The following SH3KBP1 variants were observed in gnomAD, a reference collection of about 807,000 sequenced individuals.
SH3KBP1 encodes SH3 domain containing kinase binding protein 1.
Under a neutral mutation model 50.1 loss-of-function variants are expected in SH3KBP1, and 8 were observed. The observed-to-expected ratio is 0.16, with a 90% CI of 0.09 to 0.29. The LOEUF is 0.29. Among genes scored for constraint, SH3KBP1 ranks in the 10% least tolerant of loss-of-function variants. The pLI is 1.00. For synonymous variants in SH3KBP1, 227 were observed against 218.6 expected, an observed-to-expected ratio of 1.04 and a Z score of -0.34; for missense variants, 377 against 535.2, an observed-to-expected ratio of 0.70 and a Z score of 2.92.
intron 4 of SH3KBP1, among the ~76,000 whole-genome samples, chrX:19,699,224 A>G (rs979090374): frequency 2.7e-5 from 3 of 112,496 alleles, no homozygotes; most frequent in Admixed American, 9.4e-5. Context: ...GAGCCTGAAC[A>G]GCCCCTGCTT....
At chrX:19,547,805 C>A (rs1482958210) in intron 14 of SH3KBP1, among the ~76,000 whole-genome samples, 2 of 112,075 alleles carry the variant, frequency 1.8e-5, no homozygotes, top group African/African-American at 6.5e-5. Flanking sequence ...CCCCCAGTGG[C>A]CTTTGAGGAA....
chrX:19,645,061 C>T (rs747063274), intron 7 of SH3KBP1, among the ~76,000 whole-genome samples: 25 of 111,885 alleles, frequency 2.2e-4, no homozygotes, highest in Non-Finnish European at 3.6e-4. Flanking sequence ...ATCCCTAAAG[C>T]GCTTAATTTG....
chrX:19,753,184 C>G (rs777369413), intron 2 of SH3KBP1, among the ~76,000 whole-genome samples: 1 of 111,627 alleles, frequency 9.0e-6, no homozygotes, highest in Non-Finnish European at 1.9e-5. Flanking sequence ...TTGGGCAGAG[C>G]CCCCTTGGCT....
chrX:19,564,004 C>T (rs939401061), intron 13 of SH3KBP1, among the ~76,000 whole-genome samples: 6 of 111,246 alleles, frequency 5.4e-5, no homozygotes, highest in African/African-American at 2.0e-4. Flanking sequence ...TAATGGCAGG[C>T]AGGACACAGT....
At chrX:19,682,230 T>A (rs772808955) in intron 6 of SH3KBP1, among the ~76,000 whole-genome samples, 10 of 110,510 alleles carry the variant, frequency 9.0e-5, no homozygotes, top group Non-Finnish European at 1.3e-4. Flanking sequence ...TGTGCTGAGA[T>A]AAAAACTTTC....
chrX:19,599,080 G>T (rs934279523), intron 9 of SH3KBP1, among the ~76,000 whole-genome samples: 1 of 111,203 alleles, frequency 9.0e-6, no homozygotes, highest in Non-Finnish European at 1.9e-5. Context: ...CCAACACCCC[G>T]TGGCCTTATT....
At chrX:19,680,744 G>T (rs1029416128) in intron 6 of SH3KBP1, among the ~76,000 whole-genome samples, 1 of 112,064 alleles carries the variant, frequency 8.9e-6, no homozygotes, top group African/African-American at 3.2e-5. Context: ...ACAATAACAT[G>T]ATAGATCCAT....
intron 8 of SH3KBP1, among the ~76,000 whole-genome samples, chrX:19,608,435 G>A (rs2067309024): frequency 9.4e-6 from 1 of 106,592 alleles, no homozygotes; most frequent in Admixed American, 1.0e-4. Context: ...CAGCCTCCCA[G>A]CAGCTGGGAT....
At chrX:19,645,577 A>T (rs1361603736) in intron 6 of SH3KBP1, 102 bp from the exon 7 acceptor site, 3 of 636,425 alleles carry the variant, frequency 4.7e-6, no homozygotes, top group Non-Finnish European at 2.6e-6. Flanking sequence ...AAATTGGTTT[A>T]AAAAGCCACA....
intron 2 of SH3KBP1, among the ~76,000 whole-genome samples, chrX:19,815,105 G>A (rs1292745946): frequency 8.9e-6 from 1 of 111,797 alleles, no homozygotes; most frequent in Non-Finnish European, 1.9e-5. Context: ...ATGGGAAAGT[G>A]GTATGGTCCT....
intron 6 of SH3KBP1, among the ~76,000 whole-genome samples, chrX:19,650,740 G>A (rs73193553): frequency 8.9e-6 from 1 of 112,312 alleles, no homozygotes; most frequent in Non-Finnish European, 1.9e-5. Flanking sequence ...GATTTATCAA[G>A]TGCCCATTCA....
chrX:19,869,452 G>A (rs775693915), intron 1 of SH3KBP1, among the ~76,000 whole-genome samples: 3 of 111,961 alleles, frequency 2.7e-5, no homozygotes, highest in Non-Finnish European at 3.8e-5. Flanking sequence ...GCTACTCCCC[G>A]TCTACTTCCC....
intron 13 of SH3KBP1, among the ~76,000 whole-genome samples, chrX:19,561,586 T>C (rs779083976): frequency 8.9e-6 from 1 of 111,756 alleles, no homozygotes; most frequent in East Asian, 2.8e-4. Flanking sequence ...TCTTTGCAGA[T>C]GTGAGCTGGA....
intron 1 of SH3KBP1, among the ~76,000 whole-genome samples, chrX:19,870,648 C>A (rs12394417): frequency 1.8e-5 from 2 of 111,875 alleles, no homozygotes; most frequent in South Asian, 7.4e-4. Flanking sequence ...GCCCAGCCCA[C>A]TACTATACAT....
chrX:19,627,795 A>T (rs2061491150), intron 8 of SH3KBP1, among the ~76,000 whole-genome samples: 1 of 112,255 alleles, frequency 8.9e-6, no homozygotes, highest in African/African-American at 3.2e-5. Context: ...ACAGAAAAGC[A>T]GGGCAAAGGG....
intron 8 of SH3KBP1, among the ~76,000 whole-genome samples, chrX:19,626,378 C>T (rs2068019312): frequency 1.0e-5 from 1 of 97,812 alleles, no homozygotes; most frequent in African/African-American, 4.1e-5. Context: ...AAATATTCTT[C>T]GATGTATGAA....
intron 2 of SH3KBP1, among the ~76,000 whole-genome samples, chrX:19,747,502 A>G (rs1258328622): frequency 8.9e-6 from 1 of 111,747 alleles, no homozygotes; most frequent in Non-Finnish European, 1.9e-5. Context: ...GAGGTAAGAA[A>G]TGGGGATGGG....
rs1010657845 is a variant in SH3KBP1, at chrX:19,643,306, T to A, written c.802+2094A>T. On this transcript the variant is annotated intron_variant, in intron 7 of 17. Transcript: ENST00000397821. The stretch of plus-strand genomic sequence containing the variant: ...TGTGGGCTGAAACTGAAGAATTTTT[T>A]ATTTTTTTTTTTTTTATTTTTTTTT... Among the ~76,000 whole-genome samples the A allele has an allele frequency of 2.2e-5, 2 of 92,652 alleles. 1 individual carries two copies. Among genetic ancestry groups the A allele is most frequent in the Non-Finnish European group, 4.1e-5 (2 of 48,956 alleles). The allele number at this position is 92,652 out of a possible 115,157, so 80.5% of individuals were successfully genotyped here. A position where few individuals can be genotyped will look rare whatever the true frequency, so the allele number is the denominator to read the frequency against.
At chrX:19,576,596 T>A (rs2066207599) in intron 12 of SH3KBP1, among the ~76,000 whole-genome samples, 1 of 111,556 alleles carries the variant, frequency 9.0e-6, no homozygotes, top group African/African-American at 3.3e-5. Context: ...CATGCTACCA[T>A]GCATGGCTAA....
Sources: gnomAD v4.1 joint callset for allele counts (sites outside exome capture counted in the v4.1 genomes callset) on GRCh38, gnomAD v4.1.1 for gene constraint, MANE v1.5 for transcripts, NCBI Gene and HGNC (gene_info 2026-07-23, HGNC 2026-07-21) for gene names.